ATP9B: variants seen among roughly 807,000 people sequenced by gnomAD.
ATP9B encodes probable phospholipid-transporting ATPase IIB.
ATP9B carries 110 observed loss-of-function variants against 146.1 expected under a neutral mutation model. The observed-to-expected ratio is 0.75, with a 90% confidence interval of 0.65 to 0.88. The LOEUF (loss-of-function observed/expected upper bound fraction) is 0.88. ATP9B is among the 40% of genes least tolerant of loss of function. The pLI, the probability that ATP9B is intolerant of heterozygous loss-of-function variation, is 0.00. For missense variants in ATP9B, 1,499 were observed against 1,496.4 expected (o/e 1.00, Z -0.03); for synonymous variants, 604 against 569.7 (o/e 1.06, Z -0.86).
chr18:79,179,848 A>G (rs1253727179), intron 8 of ATP9B, among the ~76,000 whole-genome samples: 1 of 152,168 alleles, frequency 6.6e-6, no homozygotes, highest in African/African-American at 2.4e-5. Flanking sequence ...GTTGTTTTCT[A>G]CCATTCGTTC....
chr18:79,164,678 C>T (rs2147790885), intron 7 of ATP9B, among the ~76,000 whole-genome samples: 1 of 152,242 alleles, frequency 6.6e-6, no homozygotes, highest in East Asian at 1.9e-4. Flanking sequence ...GAGATCGCGC[C>T]ACTGCACTCC....
chr18:79,091,455 T>C (rs1249681007), intron 1 of ATP9B, among the ~76,000 whole-genome samples: 1 of 152,180 alleles, frequency 6.6e-6, no homozygotes, highest in Non-Finnish European at 1.5e-5. Flanking sequence ...TTCAATTGCC[T>C]TCATCAGTGT....
intron 1 of ATP9B, among the ~76,000 whole-genome samples, chr18:79,078,449 A>G (rs950829728): frequency 2.6e-5 from 4 of 152,190 alleles, no homozygotes; most frequent in African/African-American, 9.7e-5. Flanking sequence ...TATAATGTCC[A>G]GGGTTTTTAT....
At position 79,377,518 on chromosome 18, in the gene ATP9B, G is replaced by A; in HGVS notation, c.*135G>A. On this transcript the variant is annotated 3_prime_UTR_variant, in exon 30 of 30. Transcript: ENST00000426216. ...AAGAAAGGGAGGGTACGCCAGGCGA[G>A]CCCAGGGCACAGATGCTGAGACAGC... 1 of 1,193,082 alleles carries A rather than the reference G, an allele frequency of 8.4e-7. No individual in the cohort carries two copies. Among genetic ancestry groups the A allele is most frequent in the Non-Finnish European group, 1.2e-6 (1 of 861,264 alleles). 73.9% of individuals were successfully genotyped at this position (1,193,082 alleles called of 1,614,324 possible).
chr18:79,251,524 A>C (rs2096023312), intron 11 of ATP9B, among the ~76,000 whole-genome samples: 1 of 152,194 alleles, frequency 6.6e-6, no homozygotes, highest in Admixed American at 6.5e-5. Flanking sequence ...ATAACCTTAG[A>C]GTTTAGCACA....
chr18:79,344,456 G>C (rs1205609864), intron 21 of ATP9B, 102 bp downstream of exon 21: 15 of 1,006,510 alleles, frequency 1.5e-5, no homozygotes, highest in African/African-American at 4.8e-5. Flanking sequence ...GCTGGACCCT[G>C]AGTGAGTACA....
chr18:79,360,196 AATC>A (rs1411308072), intron 26 of ATP9B: 1 of 152,264 alleles, frequency 6.6e-6, no homozygotes, highest in African/African-American at 2.4e-5. Context: ...TGCAGACACA[AATC>A]ATGGTAACTC....
intron 8 of ATP9B, among the ~76,000 whole-genome samples, 158 bp from the exon 9 acceptor site, chr18:79,193,025 A>G (rs539897721): frequency 1.1e-4 from 16 of 152,360 alleles, no homozygotes; most frequent in Non-Finnish European, 2.9e-5. Flanking sequence ...TCTTTATCTG[A>G]CATTCTAATT....
chr18:79,132,619 G>C (rs923186363), intron 5 of ATP9B, among the ~76,000 whole-genome samples: 1 of 152,102 alleles, frequency 6.6e-6, no homozygotes, highest in Non-Finnish European at 1.5e-5. Context: ...CATCAGTTTA[G>C]GCTTATTATT....
At chr18:79,226,606 C>A (rs1274140132) in intron 11 of ATP9B, among the ~76,000 whole-genome samples, 1 of 152,200 alleles carries the variant, frequency 6.6e-6, no homozygotes, top group African/African-American at 2.4e-5. Flanking sequence ...CACGAGACTT[C>A]CCACGCCCTG....
In ATP9B at chr18:79,147,469, T is replaced by C. The variant is rs1359445519; in HGVS notation, c.726+3609T>C. 5.9e-5 allele frequency among the ~76,000 whole-genome samples: 9 copies of C among 152,292 alleles called. No homozygotes were observed. The East Asian group carries it at 1.7e-3, about 29-fold the overall frequency. ...ATAAACCTCAACAAATTGAAAAGAA[T>C]TGAAATCACACAGAGTGTGTTCTCT... On this transcript the variant is annotated intron_variant, in intron 6 of 29. Transcript: ENST00000426216.
chr18:79,122,996 A>C (rs1178544458), intron 4 of ATP9B, among the ~76,000 whole-genome samples: 1 of 152,136 alleles, frequency 6.6e-6, no homozygotes, highest in African/African-American at 2.4e-5. Flanking sequence ...TCTTAATCAT[A>C]AAAGACTGAA....
intron 12 of ATP9B, among the ~76,000 whole-genome samples, chr18:79,272,420 G>A (rs915366003): frequency 1.3e-5 from 2 of 152,104 alleles, no homozygotes; most frequent in African/African-American, 4.8e-5. Flanking sequence ...AGCCTTCCCT[G>A]AATCCTGCAC....
At chr18:79,082,459 TG>T (rs2073368805) in intron 1 of ATP9B, among the ~76,000 whole-genome samples, 1 of 152,212 alleles carries the variant, frequency 6.6e-6, no homozygotes, top group Non-Finnish European at 1.5e-5. Context: ...GGTGAGGAGT[TG>T]TGATCCTTTG....
At chr18:79,253,607 C>G (rs2096051523) in intron 12 of ATP9B, 66 bp downstream of exon 12, 2 of 1,463,688 alleles carry the variant, frequency 1.4e-6, no homozygotes, top group South Asian at 1.4e-5. Flanking sequence ...TTGAATTTAT[C>G]TTTCTCAGTA....
At chr18:79,263,591 G>A (rs1477705945) in intron 12 of ATP9B, among the ~76,000 whole-genome samples, 1 of 152,144 alleles carries the variant, frequency 6.6e-6, no homozygotes. Flanking sequence ...GTTTTACATG[G>A]CTGTGTACAG....
At chr18:79,274,626 T>C (rs2096288010) in intron 12 of ATP9B, among the ~76,000 whole-genome samples, 1 of 152,200 alleles carries the variant, frequency 6.6e-6, no homozygotes, top group African/African-American at 2.4e-5. Context: ...CTCTGTGTGG[T>C]ATTACATACT....
intron 1 of ATP9B, among the ~76,000 whole-genome samples, chr18:79,076,962 G>A (rs2072693686): frequency 1.3e-5 from 2 of 152,034 alleles, no homozygotes; most frequent in South Asian, 4.1e-4. Flanking sequence ...AAAATTTCCA[G>A]TTGATTCTTC....
intron 8 of ATP9B, among the ~76,000 whole-genome samples, chr18:79,188,050 C>G (rs1426709343): frequency 6.6e-6 from 1 of 152,056 alleles, no homozygotes; most frequent in Non-Finnish European, 1.5e-5. Flanking sequence ...CTGTGCTACC[C>G]CTTTTCTGAA....
Sources: gnomAD v4.1 joint callset for allele counts (sites outside exome capture counted in the v4.1 genomes callset) on GRCh38, gnomAD v4.1.1 for gene constraint, MANE v1.5 for transcripts, NCBI Gene and HGNC (gene_info 2026-07-23, HGNC 2026-07-21) for gene names.